Variants in SOD2 observed in about 807,000 individuals in gnomAD.
The protein encoded by SOD2 is superoxide dismutase [Mn], mitochondrial.
A neutral mutation model predicts 27.0 loss-of-function variants in SOD2; 11 were observed. The observed-to-expected ratio is 0.41, with a 90% CI of 0.26 to 0.67. The LOEUF (loss-of-function observed/expected upper bound fraction) is 0.67. SOD2 is among the 30% of genes least tolerant of loss of function. The pLI, the probability that SOD2 is intolerant of heterozygous loss-of-function variation, is 0.34. For synonymous variants in SOD2, 105 were observed against 103.0 expected, an observed-to-expected ratio of 1.02 and a Z score of -0.12; for missense variants, 250 against 274.5, an observed-to-expected ratio of 0.91 and a Z score of 0.63.
chr6:159,727,844 G>A (rs1303149357), upstream of SOD2: 1 of 566,538 alleles, frequency 1.8e-6, no homozygotes, highest in Non-Finnish European at 2.2e-6. Context: ...TCTCTCGTGA[G>A]CCGCTCTACC....
upstream of SOD2, among the ~76,000 whole-genome samples, chr6:159,731,387 G>T (rs1778560975): frequency 2.0e-5 from 3 of 151,982 alleles, no homozygotes; most frequent in African/African-American, 4.8e-5. Flanking sequence ...AGGATCAGTT[G>T]AGCCCAAGAG....
At chr6:159,741,420 TAAAG>T (rs763513271) in intron 1 of SOD2, among the ~76,000 whole-genome samples, 5 of 152,180 alleles carry the variant, frequency 3.3e-5, no homozygotes, top group African/African-American at 7.2e-5. Flanking sequence ...AGAGCCAAGA[TAAAG>T]AACCTTCAAT....
intron 1 of SOD2, among the ~76,000 whole-genome samples, chr6:159,737,715 C>T (rs1779006461): frequency 6.6e-6 from 1 of 152,204 alleles, no homozygotes; most frequent in Middle Eastern, 3.4e-3. Context: ...TGATCTTGAA[C>T]TCCCGAGTTC....
chr6:159,725,938 T>C (rs556509875), intron 1 of SOD2: 3 of 152,344 alleles, frequency 2.0e-5, no homozygotes, highest in Admixed American at 6.5e-5. Context: ...AATGGTTGCA[T>C]TGTGTTCTAC....
In SOD2 at chr6:159,680,958, A is replaced by C. The variant is rs975101455; in HGVS notation, c.*1535T>G. 1.3e-5 allele frequency: 2 copies of C among 150,436 alleles called. No individual in the cohort carries two copies. Among genetic ancestry groups the C allele is most frequent in the Non-Finnish European group, 3.0e-5 (2 of 67,580 alleles). 9.3% of individuals were successfully genotyped at this position (150,436 alleles called of 1,614,324 possible). ...CTCCAAAAAAAAAGAAAAAAAAAAA[A>C]CGCCTATATAAAGAAAATATTCCAA... On this transcript the variant is annotated 3_prime_UTR_variant, in exon 5 of 5. Coordinates refer to ENST00000538183, the MANE Select transcript of SOD2 (RefSeq NM_000636.4).
At position 159,736,299 on chromosome 6, in the gene SOD2, T is replaced by C. The variant is rs374736441; in HGVS notation, c.-116+8831A>G. On this transcript the variant is annotated intron_variant, in intron 1 of 3. Coordinates refer to the SOD2 transcript ENST00000537657. ...CGAAGAACCTCTTCCCAAGAAGGTA[T>C]GGGTTTTGGTTTTGGGTTTTTTTGT... The C allele has an allele frequency of 7.1e-5, 114 of 1,604,918 alleles. No homozygotes were observed. In the African/African-American group the frequency reaches 1.2e-3, roughly 17 times the overall value.
chr6:159,707,594 A>C (rs1777652085), intron 1 of SOD2, among the ~76,000 whole-genome samples: 1 of 152,346 alleles, frequency 6.6e-6, no homozygotes, highest in East Asian at 1.9e-4. Flanking sequence ...GAATAGACCA[A>C]TAACAGGCTC....
intron 1 of SOD2, chr6:159,726,225 ACTTT>A (rs1484356551): frequency 1.3e-5 from 2 of 152,424 alleles, no homozygotes; most frequent in African/African-American, 4.8e-5. Flanking sequence ...AGGTGGAGCG[ACTTT>A]CTATGTTTAA....
Position 159,682,398 on chromosome 6 carries a change from G to T in SOD2, c.*95C>A. The T allele has an allele frequency of 9.9e-7, 1 of 1,005,052 alleles. No individual in the cohort carries two copies. The highest frequency in any genetic ancestry group is 1.4e-6 in the Non-Finnish European group (1 of 720,082). The allele number at this position is 1,005,052 out of a possible 1,614,324, so 62.3% of individuals were successfully genotyped here. ...AAGTGACTAAGCAACATCAAGAAAT[G>T]CTACAATAGAGCAGCTTACTGTATT... On this transcript the variant is annotated 3_prime_UTR_variant, in exon 5 of 5. Transcript: ENST00000538183.
chr6:159,727,578 A>T, upstream of SOD2: 1 of 986,202 alleles, frequency 1.0e-6, no homozygotes, highest in Non-Finnish European at 1.2e-6. Context: ...CGGGACTAGG[A>T]GCGCGGCGGG....
At chr6:159,719,817 G>A (rs1284226464) in intron 1 of SOD2, among the ~76,000 whole-genome samples, 2 of 149,920 alleles carry the variant, frequency 1.3e-5, no homozygotes, top group East Asian at 2.0e-4. Flanking sequence ...TCCACCTCCC[G>A]GGTTCAAGAG....
chr6:159,722,312 A>C (rs1778058016), intron 1 of SOD2, among the ~76,000 whole-genome samples: 1 of 152,192 alleles, frequency 6.6e-6, no homozygotes, highest in Non-Finnish European at 1.5e-5. Flanking sequence ...TGAGCCCAGG[A>C]GGTCAAGACT....
At chr6:159,759,668 CAAAA>C (rs1189023511) in intron 1 of SOD2, among the ~76,000 whole-genome samples, 1 of 128,058 alleles carries the variant, frequency 7.8e-6, no homozygotes, top group Non-Finnish European at 1.7e-5. Flanking sequence ...AGCTCCGTCT[CAAAA>C]AAAAAAAAAA....
chr6:159,738,791 AATGATG>A (rs953700242), intron 1 of SOD2, among the ~76,000 whole-genome samples: 1 of 152,058 alleles, frequency 6.6e-6, no homozygotes, highest in Non-Finnish European at 1.5e-5. Flanking sequence ...GCATTTTCCT[AATGATG>A]ATGCCCATTG....
intron 1 of SOD2, among the ~76,000 whole-genome samples, chr6:159,722,617 T>C (rs1042947644): frequency 1.3e-5 from 2 of 152,170 alleles, no homozygotes; most frequent in African/African-American, 4.8e-5. Context: ...ATTTGCCCCC[T>C]GGGAGATCCT....
At chr6:159,753,748 G>GAAGC in intron 1 of SOD2, 1 of 1,149,324 alleles carries the variant, frequency 8.7e-7, no homozygotes, top group East Asian at 2.7e-5. Flanking sequence ...TATTGTGAGT[G>GAAGC]AAGCATTTTT....
At chr6:159,703,078 G>A (rs1421198673) in intron 1 of SOD2, among the ~76,000 whole-genome samples, 3 of 152,138 alleles carry the variant, frequency 2.0e-5, no homozygotes, top group Non-Finnish European at 4.4e-5. Flanking sequence ...ACTTTTGAAG[G>A]CCGAGGTGGG....
upstream of SOD2, among the ~76,000 whole-genome samples, chr6:159,749,810 C>A (rs952785619): frequency 2.0e-5 from 3 of 152,130 alleles, no homozygotes; most frequent in Non-Finnish European, 4.4e-5. Context: ...ATAAATGAGG[C>A]ATTATTTTCT....
intron 1 of SOD2, chr6:159,760,431 G>C (rs563598646): frequency 6.6e-6 from 1 of 152,080 alleles, no homozygotes; most frequent in Non-Finnish European, 1.5e-5. Flanking sequence ...CACCACGCCC[G>C]GCTAATTTTT....
Sources: gnomAD v4.1 joint callset for allele counts (sites outside exome capture counted in the v4.1 genomes callset) on GRCh38, gnomAD v4.1.1 for gene constraint, MANE v1.5 for transcripts, NCBI Gene and HGNC (gene_info 2026-07-23, HGNC 2026-07-21) for gene names.